SGCZ: variants seen among roughly 807,000 people sequenced by gnomAD.
SGCZ encodes the protein sarcoglycan zeta, also known as zeta-sarcoglycan.
In SGCZ, 40 loss-of-function variants were observed where a neutral mutation model predicts 41.3. That is an observed-to-expected ratio of 0.97 (90% CI 0.75 to 1.26). The LOEUF is 1.26. SGCZ is among the 50% of genes most tolerant of loss of function. The pLI is 0.00. For synonymous variants in SGCZ, 206 were observed against 137.5 expected (o/e 1.50, Z -3.49); for missense variants, 552 against 369.8 (o/e 1.49, Z -4.04).
chr8:14,308,893 G>A (rs1002879876), intron 3 of SGCZ: 1 of 421,636 alleles, frequency 2.4e-6, no homozygotes, highest in Non-Finnish European at 4.3e-6. Context: ...TTTGATATTC[G>A]CAAAGAAATA....
intron 3 of SGCZ, among the ~76,000 whole-genome samples, chr8:14,258,523 G>C (rs1484742282): frequency 6.6e-6 from 1 of 152,006 alleles, no homozygotes; most frequent in African/African-American, 2.4e-5. Flanking sequence ...TAATAGACAA[G>C]ATATGAAGAA....
chr8:15,072,197 G>A (rs1805379514), intron 1 of SGCZ, among the ~76,000 whole-genome samples: 1 of 152,076 alleles, frequency 6.6e-6, no homozygotes, highest in African/African-American at 2.4e-5. Flanking sequence ...TAAAGGAAGG[G>A]AATTCAGATT....
At chr8:15,214,574 T>C (rs1291533526) in intron 1 of SGCZ, among the ~76,000 whole-genome samples, 2 of 152,156 alleles carry the variant, frequency 1.3e-5, no homozygotes, top group African/African-American at 4.8e-5. Flanking sequence ...AATTGCTTCT[T>C]AGGTTTTGTC....
intron 4 of SGCZ, among the ~76,000 whole-genome samples, chr8:14,203,461 ATATATAAGATT>A (rs1805521128): frequency 6.6e-6 from 1 of 152,154 alleles, no homozygotes; most frequent in Non-Finnish European, 1.5e-5. Context: ...TGTGCCAATA[ATATATAAGATT>A]TATAATCTCT....
chr8:14,806,940 T>G (rs1801554007), intron 1 of SGCZ, among the ~76,000 whole-genome samples: 1 of 151,500 alleles, frequency 6.6e-6, no homozygotes. Flanking sequence ...TGCAAATCAA[T>G]AAATGTAATC....
chr8:14,218,523 A>C (rs1431940346), intron 4 of SGCZ, among the ~76,000 whole-genome samples: 1 of 152,240 alleles, frequency 6.6e-6, no homozygotes, highest in Non-Finnish European at 1.5e-5. Flanking sequence ...TATCAGGTTG[A>C]TGCAAAAGTA....
intron 2 of SGCZ, among the ~76,000 whole-genome samples, chr8:14,468,736 T>C (rs1258318777): frequency 1.3e-5 from 2 of 152,040 alleles, no homozygotes; most frequent in Non-Finnish European, 2.9e-5. Context: ...AAAATCAGTT[T>C]CTCCTAGACT....
chr8:14,860,979 G>T (rs1315845281), intron 1 of SGCZ, among the ~76,000 whole-genome samples: 1 of 152,192 alleles, frequency 6.6e-6, no homozygotes, highest in Non-Finnish European at 1.5e-5. Context: ...CATACAGTAG[G>T]TATCACTGCT....
chr8:15,147,563 C>A (rs1233156051), intron 1 of SGCZ, among the ~76,000 whole-genome samples: 1 of 152,238 alleles, frequency 6.6e-6, no homozygotes, highest in Non-Finnish European at 1.5e-5. Flanking sequence ...CAGGCGTGAG[C>A]TGCCGTACCC....
intron 1 of SGCZ, among the ~76,000 whole-genome samples, chr8:15,166,460 G>A (rs896278413): frequency 6.6e-6 from 1 of 151,960 alleles, no homozygotes; most frequent in African/African-American, 2.4e-5. Flanking sequence ...GTGTTAGCCA[G>A]GATGGTCTCC....
At chr8:14,801,601 A>G (rs1801323094) in intron 1 of SGCZ, among the ~76,000 whole-genome samples, 3 of 152,234 alleles carry the variant, frequency 2.0e-5, no homozygotes, top group Admixed American at 2.0e-4. Flanking sequence ...GACAGAGATC[A>G]GGGAAACACC....
chr8:14,769,401 T>A (rs28408280), intron 1 of SGCZ, among the ~76,000 whole-genome samples: 18,728 of 152,064 alleles, frequency 0.12, 1,809 homozygotes, highest in African/African-American at 0.26. Flanking sequence ...GAACTTTTTT[T>A]AAAAAAGTTC....
intron 1 of SGCZ, among the ~76,000 whole-genome samples, chr8:14,910,947 T>C (rs1177047186): frequency 6.6e-6 from 1 of 152,066 alleles, no homozygotes; most frequent in Non-Finnish European, 1.5e-5. Flanking sequence ...TTCTACAATC[T>C]ATTCCCCAGA....
rs375910984 is a variant in SGCZ, at chr8:14,842,163, G to C, written c.40-287237C>G. 9.2e-5 allele frequency among the ~76,000 whole-genome samples: 14 copies of C among 152,170 alleles called. No individual in the cohort carries two copies. In the East Asian group the frequency reaches 2.5e-3, roughly 27 times the overall value. ...CAGAACACACATAACTGCACATCAG[G>C]ATAAATCTTCTGAAGTAAATGGAGT... On this transcript the variant is annotated intron_variant, in intron 1 of 7. Transcript: ENST00000382080.
intron 2 of SGCZ, among the ~76,000 whole-genome samples, chr8:14,493,627 A>C (rs1232300641): frequency 6.6e-6 from 1 of 151,380 alleles, no homozygotes; most frequent in Non-Finnish European, 1.5e-5. Flanking sequence ...CAGCCTCCCA[A>C]AGTGCTGGGA....
intron 4 of SGCZ, among the ~76,000 whole-genome samples, chr8:14,178,701 A>C (rs1804629312): frequency 6.6e-6 from 1 of 152,254 alleles, no homozygotes; most frequent in South Asian, 2.1e-4. Context: ...ACAAATGGTT[A>C]ACAGGAGAAT....
intron 1 of SGCZ, among the ~76,000 whole-genome samples, chr8:14,820,437 T>C (rs1802041133): frequency 6.6e-6 from 1 of 152,030 alleles, no homozygotes; most frequent in Non-Finnish European, 1.5e-5. Context: ...CACTTTCATC[T>C]AGGAAAAAAG....
chr8:14,716,220 CA>C (rs35344487), intron 1 of SGCZ, among the ~76,000 whole-genome samples: 5 of 150,624 alleles, frequency 3.3e-5, no homozygotes, highest in Non-Finnish European at 7.4e-5. Flanking sequence ...ATAGTGAAAA[CA>C]AAAAAAAGAT....
chr8:14,234,698 G>T (rs1489378022), intron 4 of SGCZ, among the ~76,000 whole-genome samples: 6 of 151,758 alleles, frequency 4.0e-5, no homozygotes, highest in Non-Finnish European at 8.8e-5. Flanking sequence ...AGACAAGGAG[G>T]GTTAGAACAG....
Sources: gnomAD v4.1 joint callset for allele counts (sites outside exome capture counted in the v4.1 genomes callset) on GRCh38, gnomAD v4.1.1 for gene constraint, MANE v1.5 for transcripts, NCBI Gene and HGNC (gene_info 2026-07-23, HGNC 2026-07-21) for gene names.